FAT4: variants seen among roughly 807,000 people sequenced by gnomAD.
FAT4 encodes FAT atypical cadherin 4.
A neutral mutation model predicts 303.9 loss-of-function variants in FAT4; 84 were observed. That is an observed-to-expected ratio of 0.28 (90% CI 0.23 to 0.33). The LOEUF is 0.33. FAT4 is among the 10% of genes least tolerant of loss of function. The pLI, the probability that FAT4 is intolerant of heterozygous loss-of-function variation, is 1.00. For missense variants in FAT4, 6,005 were observed against 6,146.8 expected, an observed-to-expected ratio of 0.98 and a Z score of 0.77; for synonymous variants, 2,307 against 2,298.8, an observed-to-expected ratio of 1.00 and a Z score of -0.10.
At chr4:125,483,209 A>G (rs1364821241) in intron 16 of FAT4, among the ~76,000 whole-genome samples, 2 of 152,250 alleles carry the variant, frequency 1.3e-5, no homozygotes, top group Non-Finnish European at 2.9e-5. Context: ...GTAAAAGAGA[A>G]CACATAAGCC....
At chr4:125,382,232 C>G (rs554672489) in intron 2 of FAT4, among the ~76,000 whole-genome samples, 1 of 152,254 alleles carries the variant, frequency 6.6e-6, no homozygotes, top group African/African-American at 2.4e-5. Flanking sequence ...TTTTCAATTA[C>G]TTTGCCCAGA....
chr4:125,315,884 A>G lies in FAT4; in HGVS notation c.-106A>G, dbSNP rs1730560607. On this transcript the variant is annotated 5_prime_UTR_variant, in exon 1 of 18. Coordinates refer to ENST00000394329, the MANE Select transcript of FAT4 (RefSeq NM_001291303.3). ...TTCCATCGCCTCCAGCTTTTGGGAA[A>G]GAAATTCGATTCTCCCGGTTCCCCA... is the stretch of plus-strand genomic sequence containing the variant. Among the ~76,000 whole-genome samples, 1 of 152,178 alleles carries G rather than the reference A, an allele frequency of 6.6e-6. No individual in the cohort carries two copies. Among genetic ancestry groups the G allele is most frequent in the Non-Finnish European group, 1.5e-5 (1 of 68,028 alleles).
In FAT4 at chr4:125,319,454, T is replaced by G. The variant is rs1444487849; in HGVS notation, c.3043T>G (p.Phe1015Val). The change falls in exon 2 of 18, where the codon TTC becomes GTC. Residue 1015 changes from phenylalanine to valine, a missense_variant. Physicochemically the swap from Phe to Val is conservative, Grantham distance 50. Coordinates refer to ENST00000394329, the MANE Select transcript of FAT4 (RefSeq NM_001291303.3). The stretch of plus-strand genomic sequence containing the variant: ...TGAGTCAGAACCTGTGAATTCTCGA[T>G]TCTTTAAAGTACAAGCTTCTGATAA... ...LSESEPVNSR[F>V]FKVQASDKDS... 1 of 1,613,850 alleles carries G rather than the reference T, an allele frequency of 6.2e-7. No individual in the cohort carries two copies. Among genetic ancestry groups the G allele is most frequent in the African/African-American group, 1.3e-5 (1 of 75,046 alleles).
At chr4:125,384,143 C>T (rs531671794) in intron 2 of FAT4, among the ~76,000 whole-genome samples, 1 of 152,190 alleles carries the variant, frequency 6.6e-6, no homozygotes, top group African/African-American at 2.4e-5. Flanking sequence ...CATTTGTGTA[C>T]AAGTTTTTGT....
Position 125,317,269 on chromosome 4 carries a change from C to G in FAT4, c.858C>G (p.Arg286=). ...ACGAGGGCACCAACGCGGACATCCGCTATCGCCTGCAGGACGAGGGGACCC... is the reference window on the plus strand; with the variant it reads ...ACGAGGGCACCAACGCGGACATCCGGTATCGCCTGCAGGACGAGGGGACCC... ...DADEGTNADI[R]YRLQDEGTPF... Residue 286 remains arginine, a synonymous_variant, in exon 2 of 18, where the codon CGC becomes CGG. Transcript: ENST00000394329. This position sits in a 1 kb window ranked among gnomAD's most constrained non-coding sequence, Gnocchi z 7.0. 6.3e-7 allele frequency: 1 copy of G among 1,582,196 alleles called. No homozygotes were observed. The highest frequency in any genetic ancestry group is 8.6e-7 in the Non-Finnish European group (1 of 1,161,904).
At chr4:125,377,341 C>A (rs1174152983) in intron 2 of FAT4, among the ~76,000 whole-genome samples, 1 of 151,212 alleles carries the variant, frequency 6.6e-6, no homozygotes, top group African/African-American at 2.4e-5. Context: ...CAAAAAAAAA[C>A]AAAAAGCTAT....
intron 2 of FAT4, among the ~76,000 whole-genome samples, chr4:125,370,920 C>T (rs62321344): frequency 0.14 from 21,271 of 151,916 alleles, 1,906 homozygotes; most frequent in Non-Finnish European, 0.19. Flanking sequence ...CCAAGGCAGG[C>T]GGGTCACCTG....
chr4:125,408,412 G>A, intron 4 of FAT4, 32 bp from the exon 5 acceptor site: 2 of 1,391,790 alleles, frequency 1.4e-6, no homozygotes, highest in Non-Finnish European at 2.0e-6. Flanking sequence ...TTACTTCCTT[G>A]ATTTTATACT....
chr4:125,486,572 A>G (rs1054786153), intron 16 of FAT4, among the ~76,000 whole-genome samples: 22 of 152,178 alleles, frequency 1.4e-4, no homozygotes, highest in African/African-American at 5.1e-4. Flanking sequence ...CCAAATGTTC[A>G]TCTTGCCTCA....
intron 7 of FAT4, among the ~76,000 whole-genome samples, chr4:125,422,521 C>G (rs1724938236): frequency 6.6e-6 from 1 of 152,108 alleles, no homozygotes; most frequent in Non-Finnish European, 1.5e-5. Flanking sequence ...CCCCTTTGCT[C>G]AGCACTTCTC....
intron 2 of FAT4, among the ~76,000 whole-genome samples, chr4:125,324,749 T>A (rs1476484120): frequency 6.6e-6 from 1 of 152,124 alleles, no homozygotes. Flanking sequence ...TCTTAAGAAT[T>A]GTCAAGGACA....
intron 8 of FAT4, among the ~76,000 whole-genome samples, chr4:125,435,733 G>A (rs1725427389): frequency 6.6e-6 from 1 of 152,028 alleles, no homozygotes; most frequent in African/African-American, 2.4e-5. Flanking sequence ...AATCATGCAG[G>A]CCATATACAG....
At chr4:125,457,283 A>G (rs148488595) in intron 10 of FAT4, among the ~76,000 whole-genome samples, 1 of 152,280 alleles carries the variant, frequency 6.6e-6, no homozygotes, top group East Asian at 1.9e-4. Flanking sequence ...TGTTAGCTGA[A>G]TGGAGATTTT....
chr4:125,449,815 A>G lies in FAT4; in HGVS notation c.8805A>G (p.Leu2935=). The G allele has an allele frequency of 6.2e-7, 1 of 1,613,904 alleles. No homozygotes were observed. The highest frequency in any genetic ancestry group is 8.5e-7 in the Non-Finnish European group (1 of 1,179,888). The part of the protein sequence containing the change: ...TTGEIFNKQI[L]KYQNVTGFSN... ...GAGAGATTTTCAATAAACAGATCTT[A>G]AAATACCAAAATGTCACTGGCTTCA... Residue 2935 remains leucine, a synonymous_variant, in exon 10 of 18, where the codon TTA becomes TTG. Transcript: ENST00000394329.
At position 125,451,193 on chromosome 4, in the gene FAT4, G is replaced by A. The variant is rs1458590118; in HGVS notation, c.10183G>A (p.Val3395Ile). Reference protein sequence around the residue: ...GADIDEVTVNVTVLDANDPPI... With the variant: ...GADIDEVTVNITVLDANDPPI... ...AGATATAGATGAGGTCACTGTAAATGTCACCGTGCTTGATGCAAATGACCC... is the reference window on the plus strand; with the variant it reads ...AGATATAGATGAGGTCACTGTAAATATCACCGTGCTTGATGCAAATGACCC... Residue 3395 changes from valine (V) to isoleucine (I), a missense_variant, in exon 10 of 18, where the codon GTC becomes ATC. Transcript: ENST00000394329. The A allele has an allele frequency of 3.1e-6, 5 of 1,613,992 alleles. No individual in the cohort carries two copies. The highest frequency in any genetic ancestry group is 4.2e-6 in the Non-Finnish European group (5 of 1,180,038).
chr4:125,390,186 T>G (rs908554400), intron 2 of FAT4, among the ~76,000 whole-genome samples: 1 of 152,198 alleles, frequency 6.6e-6, no homozygotes, highest in Non-Finnish European at 1.5e-5. Flanking sequence ...AATTAGGCGT[T>G]GAATTTTTTT....
intron 2 of FAT4, among the ~76,000 whole-genome samples, chr4:125,352,839 G>A (rs1046396380): frequency 6.6e-6 from 1 of 151,712 alleles, no homozygotes; most frequent in African/African-American, 2.4e-5. Context: ...AAAAATGCCA[G>A]AGTCAACTGT....
chr4:125,372,200 G>GA (rs1233415171), intron 2 of FAT4, among the ~76,000 whole-genome samples: 1 of 151,626 alleles, frequency 6.6e-6, no homozygotes, highest in Non-Finnish European at 1.5e-5. Context: ...AAAGAAAAAA[G>GA]AAAAAAGGAA....
rs1727691217 is a variant in FAT4 at position 125,492,619 on chromosome 4, C to T, written c.*851C>T. On this transcript the variant is annotated 3_prime_UTR_variant, in exon 18 of 18. Coordinates refer to ENST00000394329, the MANE Select transcript of FAT4 (RefSeq NM_001291303.3). The stretch of plus-strand genomic sequence containing the variant: ...CTTATGATTGGACTTATTTTCCAAC[C>T]AGATAACATTTACTCTAAGTACCCA... 2 of 152,508 alleles carry T rather than the reference C, an allele frequency of 1.3e-5. No individual in the cohort carries two copies. The highest frequency in any genetic ancestry group is 4.8e-5 in the African/African-American group (2 of 41,418). The allele number at this position is 152,508 out of a possible 1,614,324, so 9.4% of individuals were successfully genotyped here.
Sources: allele counts gnomAD v4.1 joint callset (sites outside exome capture counted in the v4.1 genomes callset), GRCh38; gene constraint gnomAD v4.1.1; non-coding constraint Gnocchi (gnomAD v3.1); transcripts MANE v1.5; gene names NCBI Gene and HGNC (gene_info 2026-07-23, HGNC 2026-07-21).